Variants in SPAG16 observed in about 807,000 individuals in gnomAD.
SPAG16 encodes sperm-associated antigen 16 protein.
Under a neutral mutation model 80.4 loss-of-function variants are expected in SPAG16, and 86 were observed. The observed-to-expected ratio is 1.07, with a 90% CI of 0.90 to 1.28. The LOEUF (loss-of-function observed/expected upper bound fraction) is 1.28. Ranked by LOEUF, SPAG16 falls within the 50% of genes most tolerant of loss-of-function variation. The pLI, the probability that SPAG16 is intolerant of heterozygous loss-of-function variation, is 0.00. For missense variants in SPAG16, 870 were observed against 765.3 expected (o/e 1.14, Z -1.61); for synonymous variants, 294 against 265.9 (o/e 1.11, Z -1.03).
intron 9 of SPAG16, among the ~76,000 whole-genome samples, chr2:213,437,740 G>A (rs935254125): frequency 2.0e-5 from 3 of 152,144 alleles, no homozygotes; most frequent in Admixed American, 6.5e-5. Flanking sequence ...AAAACAAAAT[G>A]CAATAAACTT....
chr2:214,196,476 A>G (rs1357842473), intron 15 of SPAG16, among the ~76,000 whole-genome samples: 1 of 152,082 alleles, frequency 6.6e-6, no homozygotes, highest in Non-Finnish European at 1.5e-5. Context: ...ATTGCACAAT[A>G]AAGGCAACTA....
At chr2:213,742,910 T>C (rs188551400) in intron 10 of SPAG16, among the ~76,000 whole-genome samples, 17 of 138,460 alleles carry the variant, frequency 1.2e-4, no homozygotes, top group Non-Finnish European at 2.4e-4. Context: ...CATGCCGTAT[T>C]GTTGTTTTTT....
At chr2:214,369,946 C>G (rs567549278) in intron 15 of SPAG16, among the ~76,000 whole-genome samples, 1 of 152,240 alleles carries the variant, frequency 6.6e-6, no homozygotes, top group South Asian at 2.1e-4. Flanking sequence ...TAAAAATATA[C>G]ATTTCTACCC....
Position 213,449,440 on chromosome 2 carries a change from AC to A in SPAG16, c.943-40518del, listed in dbSNP as rs1375520660. ...CTTTGTACCTACCCTCTGTTCTTAC[AC>A]CCCCTCCCCTTTTGAAACCCTTAAT... On this transcript the variant is annotated intron_variant, in intron 9 of 15. Transcript: ENST00000331683. Among the ~76,000 whole-genome samples the A allele has an allele frequency of 2.0e-5, 3 of 151,536 alleles. 1 individual carries two copies. The highest frequency in any genetic ancestry group is 2.0e-4 in the Admixed American group (3 of 15,202).
intron 9 of SPAG16, among the ~76,000 whole-genome samples, chr2:213,441,687 A>T (rs1288054839): frequency 6.6e-6 from 1 of 152,252 alleles, no homozygotes; most frequent in Non-Finnish European, 1.5e-5. Flanking sequence ...GGAAGAAATA[A>T]AATTACTTTT....
chr2:213,326,369 T>C (rs1268889002), intron 5 of SPAG16, among the ~76,000 whole-genome samples: 2 of 151,998 alleles, frequency 1.3e-5, no homozygotes, highest in Non-Finnish European at 2.9e-5. Context: ...ACCCATTTAG[T>C]TTTATGACTT....
At chr2:214,129,709 AG>A (rs1282412420) in intron 14 of SPAG16, among the ~76,000 whole-genome samples, 1 of 152,138 alleles carries the variant, frequency 6.6e-6, no homozygotes, top group African/African-American at 2.4e-5. Context: ...TAATTTCTCA[AG>A]ACTTTACTTT....
intron 7 of SPAG16, among the ~76,000 whole-genome samples, chr2:213,359,145 A>G (rs1462978256): frequency 6.6e-6 from 1 of 152,102 alleles, no homozygotes; most frequent in Non-Finnish European, 1.5e-5. Context: ...TTCTTCTAGA[A>G]GCTTTGTCCC....
At chr2:214,035,739 G>C (rs926782161) in intron 13 of SPAG16, among the ~76,000 whole-genome samples, 2 of 152,220 alleles carry the variant, frequency 1.3e-5, no homozygotes, top group Non-Finnish European at 2.9e-5. Context: ...GGCTGTAACT[G>C]TGCTCTTGCC....
intron 9 of SPAG16, among the ~76,000 whole-genome samples, chr2:213,417,053 C>G (rs546315730): frequency 6.6e-6 from 1 of 152,126 alleles, no homozygotes; most frequent in Non-Finnish European, 1.5e-5. Flanking sequence ...CACATTGACT[C>G]GTGGGGTGTA....
chr2:214,232,595 G>A (rs1200941839), intron 15 of SPAG16, among the ~76,000 whole-genome samples: 1 of 151,034 alleles, frequency 6.6e-6, no homozygotes, highest in Admixed American at 6.6e-5. Flanking sequence ...GTCGGGGGGG[G>A]CTCAGATTGT....
chr2:213,744,471 C>CT lies in SPAG16; in HGVS notation c.1071-118006dup, dbSNP rs950297633. Among the ~76,000 whole-genome samples the CT allele has an allele frequency of 9.5e-4, 145 of 151,986 alleles. 2 individuals are homozygous for CT. Among genetic ancestry groups the CT allele is most frequent in the Middle Eastern group, 3.4e-3 (1 of 294 alleles). On this transcript the variant is annotated intron_variant, in intron 10 of 15. Coordinates refer to ENST00000331683, the MANE Select transcript of SPAG16 (RefSeq NM_024532.5). ...AAGAATAAGGAATTCTGTCTTTACT[C>CT]TTTTTTTTGTCAGGTCTTTAGTGAG...
chr2:213,372,277 T>C (rs2066681617), intron 8 of SPAG16, among the ~76,000 whole-genome samples: 1 of 152,098 alleles, frequency 6.6e-6, no homozygotes, highest in African/African-American at 2.4e-5. Flanking sequence ...TATAATTGCA[T>C]TTTAGTATAT....
chr2:214,324,642 T>C (rs1463864833), intron 15 of SPAG16, among the ~76,000 whole-genome samples: 2 of 152,038 alleles, frequency 1.3e-5, no homozygotes, highest in African/African-American at 4.8e-5. Context: ...CACGTCTGTG[T>C]AGCATCTCCA....
intron 10 of SPAG16, among the ~76,000 whole-genome samples, chr2:213,616,624 A>G (rs2125038407): frequency 6.6e-6 from 1 of 152,350 alleles, no homozygotes; most frequent in East Asian, 1.9e-4. Context: ...TTAAACATGC[A>G]GATTCCTGAT....
intron 10 of SPAG16, among the ~76,000 whole-genome samples, chr2:213,615,130 A>G (rs1171411294): frequency 1.3e-5 from 2 of 152,254 alleles, no homozygotes. Flanking sequence ...TACTGAACAT[A>G]TACTATGGGT....
At chr2:214,007,328 G>C (rs770978687) in intron 12 of SPAG16, among the ~76,000 whole-genome samples, 16 of 151,862 alleles carry the variant, frequency 1.1e-4, no homozygotes, top group Non-Finnish European at 2.4e-4. Flanking sequence ...AGGGATGGTG[G>C]CTCGTGCCTG....
chr2:213,573,866 T>G (rs553060713), intron 10 of SPAG16, among the ~76,000 whole-genome samples: 1 of 152,194 alleles, frequency 6.6e-6, no homozygotes, highest in Non-Finnish European at 1.5e-5. Flanking sequence ...ATAAAGCTCT[T>G]AAAGTTTAGG....
chr2:214,276,715 C>T (rs1296971763), intron 15 of SPAG16, among the ~76,000 whole-genome samples: 1 of 152,158 alleles, frequency 6.6e-6, no homozygotes, highest in African/African-American at 2.4e-5. Flanking sequence ...TCTCTGGCTG[C>T]CCTTAACATT....
Sources: gnomAD v4.1 joint callset for allele counts (sites outside exome capture counted in the v4.1 genomes callset) on GRCh38, gnomAD v4.1.1 for gene constraint, MANE v1.5 for transcripts, NCBI Gene and HGNC (gene_info 2026-07-23, HGNC 2026-07-21) for gene names.